SBF2: variants seen among roughly 807,000 people sequenced by gnomAD.
SBF2 encodes the protein SET binding factor 2.
SBF2 carries 112 observed loss-of-function variants against 225.2 expected under a neutral mutation model. That is an observed-to-expected ratio of 0.50 (90% CI 0.43 to 0.58). The LOEUF is 0.58. SBF2 is among the 20% of genes least tolerant of loss of function. SBF2 has a pLI of 0.00. For missense variants in SBF2, 1,996 were observed against 2,206.2 expected, an observed-to-expected ratio of 0.90 and a Z score of 1.91; for synonymous variants, 763 against 773.3, an observed-to-expected ratio of 0.99 and a Z score of 0.22.
At chr11:9,843,745 A>T (rs1856337004) in intron 24 of SBF2, 1 of 152,218 alleles carries the variant, frequency 6.6e-6, no homozygotes, top group African/African-American at 2.4e-5. Context: ...GGAATCATAA[A>T]ATACTGATAT....
rs1193498973 is a variant in SBF2, at chr11:9,815,501, CAGAA to C, written c.3978+1335_3978+1338del. Among the ~76,000 whole-genome samples, 6 of 151,258 alleles carry C rather than the reference CAGAA, an allele frequency of 4.0e-5. No homozygotes were observed. The East Asian group carries it at 5.8e-4, about 15-fold the overall frequency. ...TAATATTTTATTGAGGAAGGGCAGA[CAGAA>C]AGAAAAAGAGGGCAGGAGGAAGAGA... On this transcript the variant is annotated intron_variant, in intron 29 of 39. Coordinates refer to ENST00000256190, the MANE Select transcript of SBF2 (RefSeq NM_030962.4).
chr11:10,094,767 A>G (rs1319882137), intron 2 of SBF2, among the ~76,000 whole-genome samples: 2 of 151,890 alleles, frequency 1.3e-5, no homozygotes, highest in Admixed American at 1.3e-4. Context: ...GCCTCCTTAA[A>G]GTGCTGGGAT....
intron 2 of SBF2, among the ~76,000 whole-genome samples, chr11:10,107,078 T>C (rs1952591545): frequency 6.6e-6 from 1 of 152,224 alleles, no homozygotes; most frequent in South Asian, 2.1e-4. Flanking sequence ...GTACAATATA[T>C]TTGAAAAATA....
At chr11:10,041,748 T>C (rs1312580413) in intron 3 of SBF2, among the ~76,000 whole-genome samples, 2 of 152,156 alleles carry the variant, frequency 1.3e-5, no homozygotes, top group Admixed American at 1.3e-4. Context: ...AACTACCAAA[T>C]ACTCCTTTGT....
At chr11:10,185,331 G>T (rs1017067286) in intron 2 of SBF2, among the ~76,000 whole-genome samples, 1 of 152,006 alleles carries the variant, frequency 6.6e-6, no homozygotes, top group South Asian at 2.1e-4. Flanking sequence ...AATTTTTTTT[G>T]AAGACTCTCC....
intron 32 of SBF2, among the ~76,000 whole-genome samples, chr11:9,805,120 C>T (rs1229952241): frequency 1.3e-5 from 2 of 152,010 alleles, no homozygotes; most frequent in African/African-American, 4.8e-5. Context: ...GTGGTGTGCA[C>T]CTATGGTCCC....
chr11:9,802,384 A>G (rs755151929), intron 32 of SBF2, among the ~76,000 whole-genome samples: 3 of 152,228 alleles, frequency 2.0e-5, no homozygotes, highest in Non-Finnish European at 2.9e-5. Flanking sequence ...GGCTTTTTAT[A>G]TGATGAGGCA....
chr11:10,119,162 A>G (rs1265227688), intron 2 of SBF2, among the ~76,000 whole-genome samples: 1 of 152,110 alleles, frequency 6.6e-6, no homozygotes, highest in South Asian at 2.1e-4. Flanking sequence ...ACTAATTAAT[A>G]TATTTTACTA....
chr11:9,914,298 A>T (rs1201698181), intron 16 of SBF2, among the ~76,000 whole-genome samples: 1 of 152,238 alleles, frequency 6.6e-6, no homozygotes, highest in Non-Finnish European at 1.5e-5. Flanking sequence ...AAACACAGTT[A>T]ACAGAAATAA....
chr11:10,149,150 TA>T (rs984945402), intron 2 of SBF2: 1 of 152,468 alleles, frequency 6.6e-6, no homozygotes, highest in Non-Finnish European at 1.5e-5. Context: ...AAATCTGCTT[TA>T]TTTTTTTGCT....
chr11:10,063,904 C>A (rs1423199890), intron 2 of SBF2, among the ~76,000 whole-genome samples: 1 of 143,638 alleles, frequency 7.0e-6, no homozygotes, highest in Non-Finnish European at 1.5e-5. Flanking sequence ...AATCAGTGAG[C>A]TGTAAGAGAA....
chr11:9,979,810 CTTTT>C (rs933648882), intron 13 of SBF2, among the ~76,000 whole-genome samples: 2 of 137,194 alleles, frequency 1.5e-5, no homozygotes. Flanking sequence ...TTAAATTCAT[CTTTT>C]TTTTTTTTTT....
intron 1 of SBF2, among the ~76,000 whole-genome samples, chr11:10,245,637 C>G (rs1690600739): frequency 6.6e-6 from 1 of 152,168 alleles, no homozygotes; most frequent in South Asian, 2.1e-4. Flanking sequence ...AGCAATCTCA[C>G]TTCCAGATAT....
In SBF2 at chr11:9,832,437, T is replaced by C; in HGVS notation, c.3456-17A>G. The C allele has an allele frequency of 6.3e-7, 1 of 1,587,122 alleles. No individual in the cohort carries two copies. Among genetic ancestry groups the C allele is most frequent in the Non-Finnish European group, 8.6e-7 (1 of 1,156,308 alleles). ...CCAGGATAGCTTCAGAGACATAGAA[T>C]AGAGAAGAGAATGATTGGGGGAAGG... is the stretch of plus-strand genomic sequence containing the variant. On this transcript the variant is annotated splice_polypyrimidine_tract_variant and intron_variant, in intron 26 of 39. Transcript: ENST00000256190.
chr11:9,958,800 C>T, intron 16 of SBF2: 1 of 532,224 alleles, frequency 1.9e-6, no homozygotes, highest in Non-Finnish European at 3.6e-6. Flanking sequence ...ATGAGGGCTT[C>T]TGTCACCGAA....
chr11:10,196,449 C>A (rs1442735), intron 1 of SBF2, among the ~76,000 whole-genome samples: 1 of 151,892 alleles, frequency 6.6e-6, no homozygotes, highest in Non-Finnish European at 1.5e-5. Context: ...GCACAATCAT[C>A]GCTCACCGCA....
chr11:10,120,986 G>A (rs934392863), intron 2 of SBF2, among the ~76,000 whole-genome samples: 7 of 151,856 alleles, frequency 4.6e-5, no homozygotes, highest in African/African-American at 1.5e-4. Context: ...GGCTGGTCTC[G>A]AACTCCTGTC....
chr11:10,114,244 ATTATTT>A (rs2135024431), intron 2 of SBF2, among the ~76,000 whole-genome samples: 1 of 152,328 alleles, frequency 6.6e-6, no homozygotes, highest in Admixed American at 6.5e-5. Flanking sequence ...AATGTGATGT[ATTATTT>A]TTAAGTGTAG....
In SBF2 at chr11:9,959,263, G is replaced by A. The variant is rs558281382; in HGVS notation, c.1860+2694C>T. The A allele has an allele frequency of 1.9e-4, 146 of 775,376 alleles. No homozygotes were observed. The African/African-American group carries it at 2.2e-3, about 12-fold the overall frequency. 48.0% of individuals were successfully genotyped at this position (775,376 alleles called of 1,614,324 possible). A position where few individuals can be genotyped will look rare whatever the true frequency, so the allele number is the denominator to read the frequency against. On this transcript the variant is annotated intron_variant, in intron 16 of 39. Coordinates refer to ENST00000256190, the MANE Select transcript of SBF2 (RefSeq NM_030962.4). ...AATCTTGACTCCAGAATACAAGCAG[G>A]CCCGGTAATGAGCCTCCACAATGTC...
Sources: gnomAD v4.1 joint callset for allele counts (sites outside exome capture counted in the v4.1 genomes callset) on GRCh38, gnomAD v4.1.1 for gene constraint, MANE v1.5 for transcripts, NCBI Gene and HGNC (gene_info 2026-07-23, HGNC 2026-07-21) for gene names.